The following SART1 variants were observed in gnomAD, a reference collection of about 807,000 sequenced individuals.
SART1 encodes spliceosome associated factor 1, recruiter of U4/U6.U5 tri-snRNP, also known as U4/U6.U5 tri-snRNP-associated protein 1.
SART1 carries 28 observed loss-of-function variants against 105.0 expected under a neutral mutation model. That is an observed-to-expected ratio of 0.27 (90% CI 0.20 to 0.37). The LOEUF is 0.37. Among genes scored for constraint, SART1 ranks in the 10% least tolerant of loss-of-function variants. SART1 has a pLI of 1.00. For synonymous variants in SART1, 472 were observed against 462.9 expected (o/e 1.02, Z -0.25); for missense variants, 894 against 1,106.5 (o/e 0.81, Z 2.72).
chr11:65,966,252 A>C (rs1855254254), intron 8 of SART1, 34 bp downstream of exon 8: 1 of 1,613,626 alleles, frequency 6.2e-7, no homozygotes, highest in African/African-American at 1.3e-5. Context: ...GCGGGGGCTG[A>C]GGTGGAGAAT....
intron 1 of SART1, among the ~76,000 whole-genome samples, chr11:65,963,031 G>A (rs1467459784): frequency 6.6e-6 from 1 of 152,106 alleles, no homozygotes; most frequent in East Asian, 1.9e-4. Context: ...CAAGGTTGAT[G>A]GTAATGGGGA....
Position 65,976,329 on chromosome 11 carries a change from T to G in SART1, c.1573-66T>G. On this transcript the variant is annotated intron_variant, in intron 12 of 19. Coordinates refer to ENST00000312397, the MANE Select transcript of SART1 (RefSeq NM_005146.5). The surrounding 1 kb of genome is among the most constrained non-coding windows in gnomAD (Gnocchi z 5.1). ...GCTGCTGCCAGGGAGGACCCTTAGG[T>G]TCCTGGGTCTCAATGGCATCACCCC... 6.9e-7 allele frequency: 1 copy of G among 1,441,614 alleles called. No individual in the cohort carries two copies. The allele number at this position is 1,441,614 out of a possible 1,614,324, so 89.3% of individuals were successfully genotyped here. A position where few individuals can be genotyped will look rare whatever the true frequency, so the allele number is the denominator to read the frequency against.
chr11:65,961,808 G>C lies in SART1; in HGVS notation c.28G>C (p.Glu10Gln). ...GGGGTCGTCCAAGAAGCATCGCGGA[G>C]AGAAGGAGGCGGCCGGGACGACGGC... MGSSKKHRG[E>Q]KEAAGTTAAA... The change falls in exon 1 of 20, where the codon GAG becomes CAG. Residue 10 changes from glutamate (E) to glutamine (Q), a missense_variant. Glu to Gln is a conservative substitution (Grantham distance 29). Coordinates refer to ENST00000312397, the MANE Select transcript of SART1 (RefSeq NM_005146.5). 1 of 1,557,486 alleles carries C rather than the reference G, an allele frequency of 6.4e-7. No individual in the cohort carries two copies. The highest frequency in any genetic ancestry group is 8.6e-7 in the Non-Finnish European group (1 of 1,158,556).
rs767737554 is a variant in SART1 at position 65,967,334 on chromosome 11, G to A, written c.1264G>A (p.Asp422Asn). 17 of 1,614,060 alleles carry A rather than the reference G, an allele frequency of 1.1e-5. No homozygotes were observed. Among genetic ancestry groups the A allele is most frequent in the Non-Finnish European group, 1.4e-5 (17 of 1,180,032 alleles). ...GAAGGAGGTAGTAGTGCGGGCAGAT[G>A]ACTTGCTGCCTCTCGGGGACCAGAC... ...KEKEVVVRADDLLPLGDQTQD... is the reference protein window; with the variant it reads ...KEKEVVVRADNLLPLGDQTQD... The change falls in exon 10 of 20, where the codon GAC becomes AAC. Residue 422 changes from aspartate (D) to asparagine (N), a missense_variant. Physicochemically the swap from Asp to Asn is conservative, Grantham distance 23. Around this residue, in one of 2 missense-constraint regions of SART1, gnomAD observed 712 missense variants for 778.2 expected, o/e 0.91. Transcript: ENST00000312397.
Position 65,976,646 on chromosome 11 carries a change from T to C in SART1, c.1747-10T>C. 6.2e-7 allele frequency: 1 copy of C among 1,613,650 alleles called. No individual in the cohort carries two copies. The highest frequency in any genetic ancestry group is 1.1e-5 in the South Asian group (1 of 91,078). Reference sequence around the variant, plus strand: ...GGGGCCTGGGCCGACCCTGGTCTTTTGTGCCCCAGGACTTTGAACGGGATG... The same window carrying C: ...GGGGCCTGGGCCGACCCTGGTCTTTCGTGCCCCAGGACTTTGAACGGGATG... On this transcript the variant is annotated splice_polypyrimidine_tract_variant and intron_variant, in intron 13 of 19. Coordinates refer to ENST00000312397, the MANE Select transcript of SART1 (RefSeq NM_005146.5). This position sits in a 1 kb window ranked among gnomAD's most constrained non-coding sequence, Gnocchi z 5.1.
Position 65,979,223 on chromosome 11 carries a change from GC to G in SART1, c.*196del, listed in dbSNP as rs1855543230. ...AACTAAACGATGGAAGAGAGAGCGA[GC>G]CCGGGTCCTCTAAGGCTCCTTCCTT... is the stretch of plus-strand genomic sequence containing the variant. On this transcript the variant is annotated 3_prime_UTR_variant, in exon 20 of 20. Transcript: ENST00000312397. 1.4e-6 allele frequency: 1 copy of G among 710,352 alleles called. No homozygotes were observed. Among genetic ancestry groups the G allele is most frequent in the Admixed American group, 2.6e-5 (1 of 39,204 alleles). 44.0% of individuals were successfully genotyped at this position (710,352 alleles called of 1,614,324 possible). A position where few individuals can be genotyped will look rare whatever the true frequency, so the allele number is the denominator to read the frequency against.
intron 1 of SART1, among the ~76,000 whole-genome samples, chr11:65,962,673 C>T (rs1406926408): frequency 6.6e-6 from 1 of 152,080 alleles, no homozygotes; most frequent in East Asian, 1.9e-4. Flanking sequence ...TGCTCAGATC[C>T]GTATTTTGTA....
At chr11:65,973,877 G>T (rs1855430637) in intron 12 of SART1, among the ~76,000 whole-genome samples, 1 of 152,120 alleles carries the variant, frequency 6.6e-6, no homozygotes, top group Non-Finnish European at 1.5e-5. Context: ...GTGTGACTCA[G>T]GTTATAGAAT....
At chr11:65,967,442 T>TG in intron 10 of SART1, 29 bp from the exon 11 acceptor site, 4 of 1,613,522 alleles carry the variant, frequency 2.5e-6, no homozygotes, top group Non-Finnish European at 3.4e-6. Flanking sequence ...TGGGGACCGG[T>TG]GCTCACCAGA....
At chr11:65,974,984 G>A (rs1325436206) in intron 12 of SART1, among the ~76,000 whole-genome samples, 2 of 152,092 alleles carry the variant, frequency 1.3e-5, no homozygotes, top group Non-Finnish European at 2.9e-5. Flanking sequence ...AGCTTGCAGT[G>A]AGCTGAGATC....
intron 12 of SART1, among the ~76,000 whole-genome samples, chr11:65,973,313 A>G (rs954573604): frequency 3.3e-5 from 5 of 152,150 alleles, no homozygotes; most frequent in South Asian, 2.1e-4. Context: ...TGTCAAGAGT[A>G]TACAAACAGA....
At chr11:65,964,908 CTGT>C in intron 3 of SART1, 181 bp from the exon 4 acceptor site, 1 of 735,210 alleles carries the variant, frequency 1.4e-6, no homozygotes, top group Non-Finnish European at 2.1e-6. Flanking sequence ...ACAGAGGGTC[CTGT>C]TGTGCTGCAT....
Position 65,962,018 on chromosome 11 carries a change from G to T in SART1, c.238G>T (p.Gly80Trp), listed in dbSNP as rs553695614. ...AEAEARSSTH[G>W]RERSQAEPSE... ...AGCTGAGGCCCGGAGCAGCACGCAC[G>T]GGCGGGAGCGCAGCCAGGCAGAGCC... The change falls in exon 1 of 20, where the codon GGG becomes TGG. Residue 80 changes from glycine (G) to tryptophan (W), a missense_variant. Coordinates refer to ENST00000312397, the MANE Select transcript of SART1 (RefSeq NM_005146.5). The T allele has an allele frequency of 2.0e-6, 3 of 1,511,748 alleles. No homozygotes were observed. The highest frequency in any genetic ancestry group is 5.5e-5 in the East Asian group (2 of 36,648). The allele number at this position is 1,511,748 out of a possible 1,614,324, so 93.6% of individuals were successfully genotyped here.
At chr11:65,965,640 T>C in intron 5 of SART1, 62 bp from the exon 6 acceptor site, 2 of 1,537,478 alleles carry the variant, frequency 1.3e-6, no homozygotes, top group Non-Finnish European at 8.9e-7. Context: ...GGTAGAGCCC[T>C]GAGTGTTTTC....
At chr11:65,972,283 G>A (rs761305439) in intron 12 of SART1, among the ~76,000 whole-genome samples, 9 of 152,122 alleles carry the variant, frequency 5.9e-5, no homozygotes, top group South Asian at 2.1e-4. Flanking sequence ...ACCAGACAGC[G>A]GGGCCCCGAG....
chr11:65,974,784 CCAA>C (rs1045635128), intron 12 of SART1, among the ~76,000 whole-genome samples: 5 of 151,994 alleles, frequency 3.3e-5, no homozygotes, highest in Admixed American at 3.3e-4. Context: ...GTCTGTAACC[CCAA>C]CACTTTGGGA....
chr11:65,967,514 GAGA>G lies in SART1; in HGVS notation c.1360_1362del (p.Lys454del). 1.2e-6 allele frequency: 2 copies of G among 1,613,104 alleles called. No homozygotes were observed. The highest frequency in any genetic ancestry group is 2.2e-5 in the East Asian group (1 of 44,866). ...CCGCCGAGTGTCCGAAGTGGAGGAG[GAGA>G]AGGAGCCTGTGCCTCAGCCCCTGCC... On this transcript the variant is annotated inframe_deletion, in exon 11 of 20. Transcript: ENST00000312397.
chr11:65,972,891 G>C (rs959617223), intron 12 of SART1, among the ~76,000 whole-genome samples: 4 of 152,214 alleles, frequency 2.6e-5, no homozygotes, highest in Non-Finnish European at 4.4e-5. Context: ...TGAGAACGTG[G>C]CCGGGCGCGA....
In SART1 at chr11:65,976,573, G is replaced by T. The variant is rs372244872; in HGVS notation, c.1746+5G>T. The T allele has an allele frequency of 8.1e-6, 13 of 1,613,136 alleles. No individual in the cohort carries two copies. Among genetic ancestry groups the T allele is most frequent in the South Asian group, 4.4e-5 (4 of 91,004 alleles). Reference sequence around the variant, plus strand: ...GAGGAGCAGGAGGAGCTCATGGTGCGTCTGGGGCGGCCCCGCCCTCTGCTT... The same window carrying T: ...GAGGAGCAGGAGGAGCTCATGGTGCTTCTGGGGCGGCCCCGCCCTCTGCTT... On this transcript the variant is annotated splice_donor_5th_base_variant and intron_variant, in intron 13 of 19. Transcript: ENST00000312397. The surrounding 1 kb of genome is among the most constrained non-coding windows in gnomAD (Gnocchi z 5.1).
Sources: gnomAD v4.1 joint callset for allele counts (sites outside exome capture counted in the v4.1 genomes callset) on GRCh38, gnomAD v4.1.1 for gene constraint, gnomAD v4.1.1 regional missense constraint, Gnocchi (gnomAD v3.1) non-coding constraint, MANE v1.5 for transcripts, NCBI Gene and HGNC (gene_info 2026-07-23, HGNC 2026-07-21) for gene names.